RIN3: variants seen among roughly 807,000 people sequenced by gnomAD.
RIN3 encodes the protein RAB5 interacting protein 3.
RIN3 carries 54 observed loss-of-function variants against 76.3 expected under a neutral mutation model. The observed-to-expected ratio is 0.71, with a 90% CI of 0.57 to 0.89. The LOEUF (loss-of-function observed/expected upper bound fraction) is 0.89, where lower values mean the gene tolerates loss of function less well. Ranked by LOEUF, RIN3 falls within the 40% of genes least tolerant of loss-of-function variation. RIN3 has a pLI of 0.00. For synonymous variants in RIN3, 576 were observed against 564.0 expected (o/e 1.02, Z -0.30); for missense variants, 1,256 against 1,322.1 (o/e 0.95, Z 0.78).
chr14:92,555,942 GGGT>G lies in RIN3; in HGVS notation c.242_244del (p.Val81del), dbSNP rs760845110. On this transcript the variant is annotated inframe_deletion, in exon 2 of 10. Transcript: ENST00000216487. ...GCAGAGGTGGCCAGGATCCTGCACC[GGGT>G]GGTGGCTGGGGTGAGTGGGGGCGTC... is the stretch of plus-strand genomic sequence containing the variant. 1 of 1,612,322 alleles carries G rather than the reference GGGT, an allele frequency of 6.2e-7. No homozygotes were observed. Among genetic ancestry groups the G allele is most frequent in the Non-Finnish European group, 8.5e-7 (1 of 1,179,952 alleles).
chr14:92,675,278 T>C (rs1416547335), intron 7 of RIN3, among the ~76,000 whole-genome samples: 1 of 152,226 alleles, frequency 6.6e-6, no homozygotes, highest in African/African-American at 2.4e-5. Context: ...TAGTAATTTA[T>C]ATTGGTACTG....
At chr14:92,660,133 G>A (rs1427906575) in intron 7 of RIN3, among the ~76,000 whole-genome samples, 1 of 152,228 alleles carries the variant, frequency 6.6e-6, no homozygotes, top group African/African-American at 2.4e-5. Flanking sequence ...ATTTTGAGGG[G>A]ACAAAATTCA....
At position 92,555,956 on chromosome 14, in the gene RIN3, G is replaced by A; in HGVS notation, c.249+1G>A. The A allele has an allele frequency of 6.2e-7, 1 of 1,610,796 alleles. No individual in the cohort carries two copies. The highest frequency in any genetic ancestry group is 1.1e-5 in the South Asian group (1 of 90,992). The stretch of plus-strand genomic sequence containing the variant: ...GATCCTGCACCGGGTGGTGGCTGGG[G>A]TGAGTGGGGGCGTCTCCCACTTGGT... On this transcript the variant is annotated splice_donor_variant, in intron 2 of 9. Transcript: ENST00000216487. LOFTEE classifies it high-confidence loss of function.
intron 3 of RIN3, among the ~76,000 whole-genome samples, chr14:92,579,180 A>T (rs1210243417): frequency 6.6e-6 from 1 of 152,112 alleles, no homozygotes; most frequent in African/African-American, 2.4e-5. Flanking sequence ...CGCCTGCCTC[A>T]GCCTCCCTAA....
chr14:92,566,005 A>T (rs1426016414), intron 2 of RIN3, among the ~76,000 whole-genome samples: 1 of 152,164 alleles, frequency 6.6e-6, no homozygotes, highest in African/African-American at 2.4e-5. Flanking sequence ...TGACATATTG[A>T]CTGCTTACTA....
intron 7 of RIN3, among the ~76,000 whole-genome samples, chr14:92,663,096 C>A (rs986082649): frequency 6.6e-6 from 1 of 152,168 alleles, no homozygotes; most frequent in African/African-American, 2.4e-5. Context: ...CAGGTGTGAG[C>A]CACCACACCC....
intron 7 of RIN3, among the ~76,000 whole-genome samples, chr14:92,674,175 G>T (rs113135222): frequency 1.3e-3 from 199 of 152,322 alleles, no homozygotes; most frequent in African/African-American, 4.3e-3. Context: ...GTGAGAGGAG[G>T]GAAGGAGCTT....
chr14:92,619,825 C>T (rs544741875), intron 4 of RIN3, among the ~76,000 whole-genome samples: 2 of 152,136 alleles, frequency 1.3e-5, no homozygotes, highest in Admixed American at 6.5e-5. Context: ...TAGCTAGAAG[C>T]GTGGCCAACT....
At chr14:92,574,437 A>G (rs781336643) in intron 2 of RIN3, among the ~76,000 whole-genome samples, 3 of 152,226 alleles carry the variant, frequency 2.0e-5, no homozygotes, top group Non-Finnish European at 2.9e-5. Flanking sequence ...TGAAGCCTCC[A>G]TGTTAAACAT....
intron 1 of RIN3, among the ~76,000 whole-genome samples, chr14:92,519,716 A>C (rs1200125784): frequency 6.6e-6 from 1 of 152,202 alleles, no homozygotes; most frequent in East Asian, 1.9e-4. Flanking sequence ...GTCCCTGTGC[A>C]GGTGGGGGCG....
chr14:92,648,324 C>T lies in RIN3; in HGVS notation c.533-3258C>T, dbSNP rs554901791. 1.9e-3 allele frequency among the ~76,000 whole-genome samples: 288 copies of T among 152,288 alleles called. 2 individuals are homozygous for T. The highest frequency in any genetic ancestry group is 6.4e-3 in the African/African-American group (267 of 41,556). ...GGCCGAGAGCCTATTTGCCTGAACC[C>T]GTGTCTGCTCTGTTCCTGCCAAAAT... On this transcript the variant is annotated intron_variant, in intron 5 of 9. Coordinates refer to ENST00000216487, the MANE Select transcript of RIN3 (RefSeq NM_024832.5). The surrounding 1 kb of genome is among the most constrained non-coding windows in gnomAD (Gnocchi z 4.1).
chr14:92,635,689 TA>T (rs1886747660), intron 4 of RIN3, among the ~76,000 whole-genome samples: 1 of 151,770 alleles, frequency 6.6e-6, no homozygotes, highest in African/African-American at 2.4e-5. Flanking sequence ...CCATCTCTAC[TA>T]AAAAATACAA....
At position 92,656,944 on chromosome 14, in the gene RIN3, G is replaced by A. The variant is rs1212793485; in HGVS notation, c.2027-2217G>A. On this transcript the variant is annotated intron_variant, in intron 6 of 9. Transcript: ENST00000216487. This position sits in a 1 kb window ranked among gnomAD's most constrained non-coding sequence, Gnocchi z 5.2. ...GAGGACAGAGCTGGTAGTAGAGCTG[G>A]GCTTCAGACCCAGGCAGCCCAGCCC... Among the ~76,000 whole-genome samples, 1 of 152,196 alleles carries A rather than the reference G, an allele frequency of 6.6e-6. No homozygotes were observed. The highest frequency in any genetic ancestry group is 2.4e-5 in the African/African-American group (1 of 41,442).
intron 2 of RIN3, among the ~76,000 whole-genome samples, chr14:92,574,674 G>A (rs1457575606): frequency 2.0e-5 from 3 of 152,180 alleles, no homozygotes; most frequent in Non-Finnish European, 2.9e-5. Context: ...ATCACCAGGA[G>A]TACCCCTTCC....
intron 7 of RIN3, among the ~76,000 whole-genome samples, chr14:92,665,422 A>G (rs1264881098): frequency 8.3e-6 from 1 of 120,986 alleles, no homozygotes; most frequent in Non-Finnish European, 1.6e-5. Context: ...TCTATCGCCC[A>G]GGCTGGAGTG....
chr14:92,567,974 T>C (rs1255961297), intron 2 of RIN3, among the ~76,000 whole-genome samples: 2 of 152,182 alleles, frequency 1.3e-5, no homozygotes, highest in African/African-American at 4.8e-5. Flanking sequence ...TTTATATACA[T>C]GATCAGCAAT....
intron 5 of RIN3, among the ~76,000 whole-genome samples, chr14:92,647,323 CA>C (rs1595480910): frequency 6.6e-6 from 1 of 152,150 alleles, no homozygotes; most frequent in East Asian, 1.9e-4. Context: ...AAGAGCTTAC[CA>C]GTTAGTCAAG....
At chr14:92,617,212 A>C (rs550896605) in intron 4 of RIN3, among the ~76,000 whole-genome samples, 1 of 152,222 alleles carries the variant, frequency 6.6e-6, no homozygotes, top group Non-Finnish European at 1.5e-5. Flanking sequence ...AAACAGGAGA[A>C]TTGCTTGAAC....
chr14:92,642,914 A>G (rs1887070409), intron 5 of RIN3, among the ~76,000 whole-genome samples: 1 of 152,122 alleles, frequency 6.6e-6, no homozygotes, highest in South Asian at 2.1e-4. Context: ...AGCAAGTACT[A>G]TTATTATAAT....
Sources: gnomAD v4.1 joint callset for allele counts (sites outside exome capture counted in the v4.1 genomes callset) on GRCh38, gnomAD v4.1.1 for gene constraint, Gnocchi (gnomAD v3.1) non-coding constraint, MANE v1.5 for transcripts, NCBI Gene and HGNC (gene_info 2026-07-23, HGNC 2026-07-21) for gene names.